The following WDR7 variants were observed in gnomAD, a reference collection of about 807,000 sequenced individuals.
WDR7 encodes WD repeat-containing protein 7.
Under a neutral mutation model 169.4 loss-of-function variants are expected in WDR7, and 46 were observed. The observed-to-expected ratio is 0.27, with a 90% CI of 0.21 to 0.35. The LOEUF (loss-of-function observed/expected upper bound fraction) is 0.35, where lower values mean the gene tolerates loss of function less well. Ranked by LOEUF, WDR7 falls within the 10% of genes least tolerant of loss-of-function variation. WDR7 has a pLI of 1.00. For synonymous variants in WDR7, 612 were observed against 666.8 expected, an observed-to-expected ratio of 0.92 and a Z score of 1.27; for missense variants, 1,534 against 1,859.3, an observed-to-expected ratio of 0.83 and a Z score of 3.22.
rs1476309974 is a variant in WDR7 at position 56,662,643 on chromosome 18, G to A, written c.-19-9854G>A. 3.3e-5 allele frequency among the ~76,000 whole-genome samples: 5 copies of A among 152,116 alleles called. No homozygotes were observed. In the East Asian group the frequency reaches 9.6e-4, roughly 29 times the overall value. On this transcript the variant is annotated intron_variant, in intron 1 of 27. Coordinates refer to ENST00000254442, the MANE Select transcript of WDR7 (RefSeq NM_015285.3). ...CCCACAACGTTCACTTGAGGCAAAC[G>A]TTAGATCCAATTTCGTTTGTAGTAA... is the stretch of plus-strand genomic sequence containing the variant.
intron 15 of WDR7, 143 bp downstream of exon 15, chr18:56,757,495 A>T: frequency 1.2e-6 from 1 of 809,668 alleles, no homozygotes; most frequent in Non-Finnish European, 1.8e-6. Flanking sequence ...TTACATTTTA[A>T]AACACCAGTT....
intron 14 of WDR7, among the ~76,000 whole-genome samples, chr18:56,732,798 T>C (rs2026615034): frequency 6.6e-6 from 1 of 152,200 alleles, no homozygotes; most frequent in Admixed American, 6.5e-5. Context: ...CTTGTAGCTG[T>C]CTCTAGGAAT....
intron 1 of WDR7, 57 bp downstream of exon 1, chr18:56,651,633 C>G (rs1205430437): frequency 6.6e-6 from 1 of 152,406 alleles, no homozygotes; most frequent in Non-Finnish European, 1.5e-5. Flanking sequence ...GTTCCTGCAC[C>G]GTGGAGGTCA....
At position 56,878,721 on chromosome 18, in the gene WDR7, A is replaced by G. The variant is rs553620627; in HGVS notation, c.3305-1223A>G. Reference sequence around the variant, plus strand: ...TAGTACTTATTAGCTATTGTTAACCATTTTACCCCCACTCCAGCCAACCAC... The same window carrying G: ...TAGTACTTATTAGCTATTGTTAACCGTTTTACCCCCACTCCAGCCAACCAC... On this transcript the variant is annotated intron_variant, in intron 20 of 27. Coordinates refer to ENST00000254442, the MANE Select transcript of WDR7 (RefSeq NM_015285.3). 2.0e-5 allele frequency among the ~76,000 whole-genome samples: 3 copies of G among 152,144 alleles called. No homozygotes were observed. In the East Asian group the frequency reaches 5.8e-4, roughly 29 times the overall value.
At chr18:56,805,204 C>T (rs1176156084) in intron 19 of WDR7, among the ~76,000 whole-genome samples, 2 of 152,198 alleles carry the variant, frequency 1.3e-5, no homozygotes, top group African/African-American at 4.8e-5. Flanking sequence ...CACCCCTTGT[C>T]AGGCTGTTAC....
At chr18:56,814,628 G>T (rs892267712) in intron 19 of WDR7, among the ~76,000 whole-genome samples, 1 of 151,910 alleles carries the variant, frequency 6.6e-6, no homozygotes, top group Admixed American at 6.6e-5. Context: ...CAGACACCGG[G>T]GTGTACTTGA....
At chr18:56,694,788 C>T in intron 10 of WDR7, 28 bp downstream of exon 10, 1 of 1,582,538 alleles carries the variant, frequency 6.3e-7, no homozygotes, top group Non-Finnish European at 8.6e-7. Flanking sequence ...GTAACAATTT[C>T]TTAATTAATT....
intron 20 of WDR7, among the ~76,000 whole-genome samples, chr18:56,871,991 G>A (rs1027104418): frequency 6.6e-6 from 1 of 151,976 alleles, no homozygotes; most frequent in Non-Finnish European, 1.5e-5. Flanking sequence ...TCAGGTCAAA[G>A]CACAGTTCTG....
At chr18:56,806,878 G>A (rs969227227) in intron 19 of WDR7, among the ~76,000 whole-genome samples, 3 of 152,058 alleles carry the variant, frequency 2.0e-5, no homozygotes, top group South Asian at 2.1e-4. Context: ...CCTATTGCAC[G>A]GTTATGTTTA....
At chr18:56,665,726 C>G (rs1383226723) in intron 1 of WDR7, among the ~76,000 whole-genome samples, 1 of 151,444 alleles carries the variant, frequency 6.6e-6, no homozygotes, top group Non-Finnish European at 1.5e-5. Flanking sequence ...AATGCACACT[C>G]TTGCACTAAA....
intron 22 of WDR7, among the ~76,000 whole-genome samples, chr18:56,926,356 T>G (rs917089510): frequency 7.2e-5 from 11 of 152,242 alleles, no homozygotes; most frequent in African/African-American, 2.7e-4. Flanking sequence ...TGGTTTGTCT[T>G]GAGAAACATT....
chr18:56,726,121 A>T (rs1052497928), intron 13 of WDR7, among the ~76,000 whole-genome samples: 1 of 152,042 alleles, frequency 6.6e-6, no homozygotes, highest in East Asian at 1.9e-4. Context: ...TGGAGGATTG[A>T]CTTGGCAATG....
At chr18:56,986,128 T>TGTG (rs2047714958) in intron 26 of WDR7, among the ~76,000 whole-genome samples, 1 of 136,258 alleles carries the variant, frequency 7.3e-6, no homozygotes, top group African/African-American at 2.7e-5. Flanking sequence ...TTCAGCTTCT[T>TGTG]TGTGTGTGTG....
intron 16 of WDR7, among the ~76,000 whole-genome samples, chr18:56,769,469 G>A (rs934706916): frequency 1.3e-5 from 2 of 152,158 alleles, no homozygotes; most frequent in African/African-American, 2.4e-5. Flanking sequence ...AAAGTGCTGC[G>A]ATTACAGGAG....
intron 19 of WDR7, among the ~76,000 whole-genome samples, chr18:56,786,543 A>G (rs1249993752): frequency 6.6e-6 from 1 of 151,792 alleles, no homozygotes; most frequent in Non-Finnish European, 1.5e-5. Context: ...AAAAAAAAAC[A>G]AAACAAAGAA....
At chr18:56,868,019 T>A (rs1013627279) in intron 20 of WDR7, among the ~76,000 whole-genome samples, 11 of 152,116 alleles carry the variant, frequency 7.2e-5, no homozygotes, top group Admixed American at 5.3e-4. Flanking sequence ...ATGAAAAAAA[T>A]TTGCCAAATA....
rs1398756754 is a variant in WDR7 at position 56,855,474 on chromosome 18, A to AT, written c.3305-24469dup. Among the ~76,000 whole-genome samples, 4 of 152,166 alleles carry AT rather than the reference A, an allele frequency of 2.6e-5. No individual in the cohort carries two copies. In the East Asian group the frequency reaches 7.7e-4, roughly 29 times the overall value. ...TTAAGAAATTCTTCCTTATGCCATC[A>AT]TATTTATTTTCATTCATAAGTTTTA... On this transcript the variant is annotated intron_variant, in intron 20 of 27. Transcript: ENST00000254442.
At chr18:56,973,155 C>T (rs946527468) in intron 26 of WDR7, among the ~76,000 whole-genome samples, 5 of 152,304 alleles carry the variant, frequency 3.3e-5, no homozygotes, top group East Asian at 3.9e-4. Context: ...GGATTACAGG[C>T]GCGAGCCACC....
intron 20 of WDR7, among the ~76,000 whole-genome samples, chr18:56,822,134 C>T (rs2045110087): frequency 6.6e-6 from 1 of 152,076 alleles, no homozygotes; most frequent in Non-Finnish European, 1.5e-5. Context: ...AAATTTAGAC[C>T]AAGAGATTAT....
Sources: gnomAD v4.1 joint callset for allele counts (sites outside exome capture counted in the v4.1 genomes callset) on GRCh38, gnomAD v4.1.1 for gene constraint, MANE v1.5 for transcripts, NCBI Gene and HGNC (gene_info 2026-07-23, HGNC 2026-07-21) for gene names.